The following AGBL4 variants were observed in gnomAD, a reference collection of about 807,000 sequenced individuals.
AGBL4 encodes AGBL carboxypeptidase 4.
In AGBL4, 58 loss-of-function variants were observed where a neutral mutation model predicts 66.4. That is an observed-to-expected ratio of 0.87 (90% CI 0.71 to 1.09). The LOEUF is 1.09. Ranked by LOEUF, AGBL4 falls within the 50% of genes least tolerant of loss-of-function variation. The probability of loss-of-function intolerance (pLI) is 0.00; values close to 1 mark genes in which losing one functional copy is unlikely to be tolerated. For synonymous variants in AGBL4, 234 were observed against 222.9 expected, an observed-to-expected ratio of 1.05 and a Z score of -0.44; for missense variants, 579 against 631.0, an observed-to-expected ratio of 0.92 and a Z score of 0.88.
At chr1:49,022,503 G>C (rs1260726897) in intron 5 of AGBL4, among the ~76,000 whole-genome samples, 1 of 152,014 alleles carries the variant, frequency 6.6e-6, no homozygotes, top group Non-Finnish European at 1.5e-5. Context: ...TAGCCACAAA[G>C]AGGAATAAAA....
intron 5 of AGBL4, among the ~76,000 whole-genome samples, chr1:48,998,434 TCTC>T (rs970560679): frequency 3.9e-5 from 6 of 152,152 alleles, no homozygotes; most frequent in Non-Finnish European, 5.9e-5. Flanking sequence ...CTAAATTTCT[TCTC>T]CTCCTTTTCT....
intron 8 of AGBL4, among the ~76,000 whole-genome samples, chr1:48,649,133 C>T (rs889595121): frequency 1.3e-5 from 2 of 152,156 alleles, no homozygotes; most frequent in African/African-American, 2.4e-5. Context: ...CCTGACTTCA[C>T]GGAGTTTATA....
chr1:48,855,151 C>T (rs1287476941), intron 6 of AGBL4, among the ~76,000 whole-genome samples: 1 of 152,158 alleles, frequency 6.6e-6, no homozygotes, highest in East Asian at 1.9e-4. Flanking sequence ...TAGTGAAGGT[C>T]TTAACCAGTT....
At chr1:49,945,052 A>G (rs1199307535) in intron 1 of AGBL4, among the ~76,000 whole-genome samples, 2 of 152,114 alleles carry the variant, frequency 1.3e-5, no homozygotes, top group South Asian at 2.1e-4. Context: ...AAAGCCTCCA[A>G]GAAGTCTGGG....
At chr1:49,241,507 A>C (rs989396377) in intron 4 of AGBL4, among the ~76,000 whole-genome samples, 1 of 152,088 alleles carries the variant, frequency 6.6e-6, no homozygotes, top group Non-Finnish European at 1.5e-5. Context: ...TATTTAAATT[A>C]TAACTGTTAT....
chr1:49,548,418 T>G (rs1040798782), intron 3 of AGBL4, among the ~76,000 whole-genome samples: 1 of 152,184 alleles, frequency 6.6e-6, no homozygotes, highest in African/African-American at 2.4e-5. Flanking sequence ...GGGTTTGTCA[T>G]AGATGACTTT....
In AGBL4 at chr1:48,838,388, T is replaced by C. The variant is rs147334771; in HGVS notation, c.634+28803A>G. On this transcript the variant is annotated intron_variant, in intron 6 of 13. Coordinates refer to ENST00000371839, the MANE Select transcript of AGBL4 (RefSeq NM_032785.4). ...TAGAAAACCCAGAAATAAATCCACGTATTTAATTAACTCATTTTTGACAAA... is the reference window on the plus strand; with the variant it reads ...TAGAAAACCCAGAAATAAATCCACGCATTTAATTAACTCATTTTTGACAAA... Among the ~76,000 whole-genome samples the C allele has an allele frequency of 6.1e-3, 921 of 152,142 alleles. 13 individuals are homozygous for C. The highest frequency in any genetic ancestry group is 0.017 in the Middle Eastern group (5 of 294).
At chr1:48,584,674 C>A (rs771787295) in intron 11 of AGBL4, 2 of 152,438 alleles carry the variant, frequency 1.3e-5, no homozygotes, top group African/African-American at 2.4e-5. Flanking sequence ...TGAGATCATG[C>A]CACTACACTC....
At chr1:48,658,437 C>T (rs1646053574) in intron 7 of AGBL4, among the ~76,000 whole-genome samples, 2 of 152,206 alleles carry the variant, frequency 1.3e-5, no homozygotes, top group South Asian at 2.1e-4. Context: ...CAACAGCAGC[C>T]ACTCTAGGCC....
chr1:49,545,400 A>G (rs1652390935), intron 3 of AGBL4, among the ~76,000 whole-genome samples: 1 of 152,216 alleles, frequency 6.6e-6, no homozygotes, highest in South Asian at 2.1e-4. Context: ...TCAAGTTTTC[A>G]GATGAGATCC....
intron 6 of AGBL4, among the ~76,000 whole-genome samples, chr1:48,751,987 T>C (rs1158502728): frequency 6.6e-6 from 1 of 152,204 alleles, no homozygotes; most frequent in Non-Finnish European, 1.5e-5. Context: ...AGAAGATGAC[T>C]GATATTTTTC....
intron 3 of AGBL4, among the ~76,000 whole-genome samples, chr1:49,447,222 G>T (rs1646178921): frequency 6.6e-6 from 1 of 152,204 alleles, no homozygotes; most frequent in Non-Finnish European, 1.5e-5. Flanking sequence ...CTGCTAGAAT[G>T]AGGTCACTTC....
In AGBL4 at chr1:48,865,557, T is replaced by C. The variant is rs186351143; in HGVS notation, c.634+1634A>G. 1.1e-3 allele frequency among the ~76,000 whole-genome samples: 170 copies of C among 152,122 alleles called. 2 individuals carry two copies. The South Asian group carries it at 0.015, about 14-fold the overall frequency. Reference sequence around the variant, plus strand: ...ACTCAAAACTCCGGCAGTGCTGATTTTTTTTTCAATCCCAAAGCTGTCTAA... The same window carrying C: ...ACTCAAAACTCCGGCAGTGCTGATTCTTTTTTCAATCCCAAAGCTGTCTAA... On this transcript the variant is annotated intron_variant, in intron 6 of 13. Transcript: ENST00000371839.
intron 4 of AGBL4, among the ~76,000 whole-genome samples, chr1:49,156,432 G>A (rs1172221017): frequency 6.6e-6 from 1 of 152,162 alleles, no homozygotes; most frequent in Non-Finnish European, 1.5e-5. Flanking sequence ...CTCTCACAGT[G>A]TCTGAGAATG....
At chr1:49,159,261 G>C (rs1646495634) in intron 4 of AGBL4, among the ~76,000 whole-genome samples, 1 of 152,002 alleles carries the variant, frequency 6.6e-6, no homozygotes, top group Non-Finnish European at 1.5e-5. Flanking sequence ...AGGCCTGCTG[G>C]TGACAAAATC....
intron 6 of AGBL4, among the ~76,000 whole-genome samples, chr1:48,860,594 C>T (rs1647382042): frequency 6.6e-6 from 1 of 152,158 alleles, no homozygotes; most frequent in African/African-American, 2.4e-5. Context: ...AAGGCTGCTG[C>T]ATAACTTTTG....
intron 3 of AGBL4, among the ~76,000 whole-genome samples, chr1:49,503,065 A>C (rs973964431): frequency 2.0e-5 from 3 of 152,022 alleles, no homozygotes; most frequent in Admixed American, 6.6e-5. Flanking sequence ...CCAAGGAGGG[A>C]AAAAATGGTG....
intron 3 of AGBL4, among the ~76,000 whole-genome samples, chr1:49,659,266 G>T (rs1389694386): frequency 1.3e-5 from 2 of 151,992 alleles, no homozygotes; most frequent in African/African-American, 4.8e-5. Context: ...AAGTCTACAA[G>T]ATAACCAGTT....
intron 4 of AGBL4, among the ~76,000 whole-genome samples, chr1:49,177,490 ATT>A (rs1389720648): frequency 6.6e-6 from 1 of 152,158 alleles, no homozygotes; most frequent in Non-Finnish European, 1.5e-5. Flanking sequence ...TGACATGCCT[ATT>A]TGCTGATGAA....
Sources: allele counts gnomAD v4.1 joint callset (sites outside exome capture counted in the v4.1 genomes callset), GRCh38; gene constraint gnomAD v4.1.1; transcripts MANE v1.5; gene names NCBI Gene and HGNC (gene_info 2026-07-23, HGNC 2026-07-21).